RBPJ: variants seen among roughly 807,000 people sequenced by gnomAD.
RBPJ encodes the protein recombining binding protein suppressor of hairless.
RBPJ carries 9 observed loss-of-function variants against 67.8 expected under a neutral mutation model. The observed-to-expected ratio is 0.13, with a 90% CI of 0.08 to 0.23. The LOEUF (loss-of-function observed/expected upper bound fraction) is 0.23. RBPJ is among the 10% of genes least tolerant of loss of function. The pLI is 1.00. For missense variants in RBPJ, 305 were observed against 595.6 expected (o/e 0.51, Z 5.08); for synonymous variants, 198 against 203.3 (o/e 0.97, Z 0.22).
chr4:26,181,723 T>C (rs542792868), intron 1 of RBPJ, among the ~76,000 whole-genome samples: 1 of 152,316 alleles, frequency 6.6e-6, no homozygotes, highest in East Asian at 1.9e-4. Context: ...CTGTAGGTAA[T>C]TGGAACACAA....
intron 1 of RBPJ, among the ~76,000 whole-genome samples, chr4:26,252,934 T>C (rs2109238680): frequency 6.6e-6 from 1 of 152,348 alleles, no homozygotes; most frequent in African/African-American, 2.4e-5. Flanking sequence ...GGCTCTACTA[T>C]ATAAAAAACC....
chr4:26,297,221 G>A (rs549068119), intron 1 of RBPJ, among the ~76,000 whole-genome samples: 1 of 152,186 alleles, frequency 6.6e-6, no homozygotes, highest in South Asian at 2.1e-4. Flanking sequence ...ACTTGAACCT[G>A]GGAGGTCAAG....
At chr4:26,192,409 T>C in intron 1 of RBPJ, among the ~76,000 whole-genome samples, 1 of 152,236 alleles carries the variant, frequency 6.6e-6, no homozygotes, top group East Asian at 1.9e-4. Flanking sequence ...GTATTTGTCC[T>C]GCACACACAA....
At chr4:26,169,862 G>A (rs28796063) in intron 1 of RBPJ, among the ~76,000 whole-genome samples, 1,629 of 152,312 alleles carry the variant, frequency 0.011, 27 homozygotes, top group African/African-American at 0.037. Context: ...CTCCGTGGGC[G>A]TAGGACCCTC....
intron 2 of RBPJ, among the ~76,000 whole-genome samples, chr4:26,398,187 A>G (rs532421922): frequency 7.1e-4 from 108 of 152,294 alleles, no homozygotes; most frequent in Admixed American, 7.9e-4. Flanking sequence ...TTTTAAAGTG[A>G]CAGTAGTCCA....
intron 3 of RBPJ, among the ~76,000 whole-genome samples, chr4:26,407,313 A>G (rs909854481): frequency 2.6e-5 from 4 of 152,120 alleles, no homozygotes; most frequent in African/African-American, 9.7e-5. Context: ...TCTTGATCCT[A>G]TTCTTGTTTG....
At chr4:26,154,340 G>C in the RBPJ span, among the ~76,000 whole-genome samples, 2 of 152,138 alleles carry the variant, frequency 1.3e-5, no homozygotes, top group Non-Finnish European at 2.9e-5. Flanking sequence ...GGTAATTCAG[G>C]GTATAAAAGG....
At chr4:26,243,330 AT>A (rs1400111728) in intron 1 of RBPJ, among the ~76,000 whole-genome samples, 1 of 152,240 alleles carries the variant, frequency 6.6e-6, no homozygotes, top group Non-Finnish European at 1.5e-5. Context: ...TTCTTAAAAA[AT>A]AAATGAAGTG....
chr4:26,430,592 C>G lies in RBPJ; in HGVS notation c.1148+70C>G. 6.6e-7 allele frequency: 1 copy of G among 1,513,494 alleles called. No individual in the cohort carries two copies. Among genetic ancestry groups the G allele is most frequent in the Non-Finnish European group, 9.0e-7 (1 of 1,106,846 alleles). The allele number at this position is 1,513,494 out of a possible 1,614,324, so 93.8% of individuals were successfully genotyped here. On this transcript the variant is annotated intron_variant, in intron 10 of 10. Coordinates refer to ENST00000355476, the MANE Select transcript of RBPJ (RefSeq NM_015874.6). The surrounding 1 kb of genome is among the most constrained non-coding windows in gnomAD (Gnocchi z 4.1). ...GTGGGTACAGGAGATTCTTTCCTGGCACTGATTGTAATGTATTAAACAACC... is the reference window on the plus strand; with the variant it reads ...GTGGGTACAGGAGATTCTTTCCTGGGACTGATTGTAATGTATTAAACAACC...
chr4:26,201,349 G>A (rs1004648621), intron 1 of RBPJ, among the ~76,000 whole-genome samples: 1 of 152,020 alleles, frequency 6.6e-6, no homozygotes, highest in Non-Finnish European at 1.5e-5. Flanking sequence ...TAGCTGAGTC[G>A]GTATTTCATA....
Position 26,346,973 on chromosome 4 carries a change from CA to C in RBPJ, c.20+25926del, listed in dbSNP as rs748153706. On this transcript the variant is annotated intron_variant, in intron 1 of 10. Transcript: ENST00000355476. Reference sequence around the variant, plus strand: ...CGCCACTGCACTCCAGTCTGGGTGACAGAGCGAGACTCCATCTCAAAAAAAA... The same window carrying C: ...CGCCACTGCACTCCAGTCTGGGTGACGAGCGAGACTCCATCTCAAAAAAAA... Among the ~76,000 whole-genome samples the C allele has an allele frequency of 5.9e-4, 89 of 151,476 alleles. 1 individual carries two copies. In the Middle Eastern group the frequency reaches 0.01, roughly 17 times the overall value.
the RBPJ span, among the ~76,000 whole-genome samples, chr4:26,105,759 A>G: frequency 3.3e-5 from 5 of 152,242 alleles, no homozygotes; most frequent in African/African-American, 9.6e-5. Context: ...GATGAAGATC[A>G]TTCAAACATG....
chr4:26,188,236 TA>T (rs1717348226), intron 1 of RBPJ, among the ~76,000 whole-genome samples: 1 of 151,828 alleles, frequency 6.6e-6, no homozygotes, highest in Non-Finnish European at 1.5e-5. Context: ...CACACACACG[TA>T]AAAAAGTAGA....
intron 1 of RBPJ, among the ~76,000 whole-genome samples, chr4:26,169,554 A>G (rs1013859698): frequency 6.6e-6 from 1 of 152,154 alleles, no homozygotes; most frequent in African/African-American, 2.4e-5. Context: ...CAGTCTGCCC[A>G]TTCTCAGATC....
At chr4:26,122,523 T>C in the RBPJ span, among the ~76,000 whole-genome samples, 6 of 152,334 alleles carry the variant, frequency 3.9e-5, no homozygotes, top group Non-Finnish European at 5.9e-5. Flanking sequence ...TGGAGGAAGA[T>C]ATAGTGATCA....
intron 1 of RBPJ, among the ~76,000 whole-genome samples, chr4:26,205,544 A>T (rs527476695): frequency 2.7e-4 from 41 of 152,212 alleles, no homozygotes; most frequent in African/African-American, 7.7e-4. Flanking sequence ...GCAGGTGGGG[A>T]TTCCAGACCA....
chr4:26,407,694 G>A (rs919993564), intron 3 of RBPJ, among the ~76,000 whole-genome samples: 9 of 152,058 alleles, frequency 5.9e-5, no homozygotes, highest in Non-Finnish European at 1.2e-4. Flanking sequence ...CTAAGGTTTT[G>A]GGATTGTTGT....
At chr4:26,230,322 A>T (rs2109203662) in intron 1 of RBPJ, among the ~76,000 whole-genome samples, 1 of 152,336 alleles carries the variant, frequency 6.6e-6, no homozygotes, top group East Asian at 1.9e-4. Context: ...CTTCGGTTTT[A>T]ACTTACACAC....
At chr4:26,404,828 C>A (rs1313293328) in intron 2 of RBPJ, among the ~76,000 whole-genome samples, 1 of 152,198 alleles carries the variant, frequency 6.6e-6, no homozygotes, top group East Asian at 1.9e-4. Flanking sequence ...CTTTCCTCCT[C>A]CCACTTCCTG....
Sources: gnomAD v4.1 joint callset for allele counts (sites outside exome capture counted in the v4.1 genomes callset) on GRCh38, gnomAD v4.1.1 for gene constraint, Gnocchi (gnomAD v3.1) non-coding constraint, MANE v1.5 for transcripts, NCBI Gene and HGNC (gene_info 2026-07-23, HGNC 2026-07-21) for gene names.